The following EPB41L4B variants were observed in gnomAD, a reference collection of about 807,000 sequenced individuals.
EPB41L4B encodes the protein erythrocyte membrane protein band 4.1 like 4B.
Under a neutral mutation model 112.5 loss-of-function variants are expected in EPB41L4B, and 30 were observed. The observed-to-expected ratio is 0.27, with a 90% CI of 0.20 to 0.36. The LOEUF (loss-of-function observed/expected upper bound fraction) is 0.36, where lower values mean the gene tolerates loss of function less well. Ranked by LOEUF, EPB41L4B falls within the 10% of genes least tolerant of loss-of-function variation. The pLI is 1.00. For synonymous variants in EPB41L4B, 408 were observed against 439.7 expected (o/e 0.93, Z 0.90); for missense variants, 1,024 against 1,133.3 (o/e 0.90, Z 1.38).
At chr9:109,198,252 G>A (rs975441488) in intron 20 of EPB41L4B, among the ~76,000 whole-genome samples, 1 of 152,096 alleles carries the variant, frequency 6.6e-6, no homozygotes. Context: ...CCTACATTTT[G>A]CACTCTGGGT....
In EPB41L4B at chr9:109,255,792, C is replaced by G. The variant is rs768885296; in HGVS notation, c.981G>C (p.Val327=). 85 of 1,613,774 alleles carry G rather than the reference C, an allele frequency of 5.3e-5. No individual in the cohort carries two copies. Among genetic ancestry groups the G allele is most frequent in the Non-Finnish European group, 7.0e-5 (83 of 1,179,994 alleles). ...GGCCTACCTGATCATCATCCTCGAC[C>G]ACCACGAGTGTCAATTTGCTCTTTT... ...DFKKSKLTLV[V]VEDDDQGREQ... is the part of the protein sequence containing the mutation. The change falls in exon 10 of 26, where the codon GTG becomes GTC. Residue 327 remains valine (V), a synonymous_variant. Transcript: ENST00000374566.
At chr9:109,260,507 C>T (rs530688619) in intron 6 of EPB41L4B, among the ~76,000 whole-genome samples, 3 of 151,324 alleles carry the variant, frequency 2.0e-5, no homozygotes, top group South Asian at 2.1e-4. Context: ...CTCCGCCTCC[C>T]GGGTTCAAGC....
At chr9:109,176,515 C>G (rs780910138) in intron 25 of EPB41L4B, 36 bp downstream of exon 25, 1 of 1,563,640 alleles carries the variant, frequency 6.4e-7, no homozygotes, top group Admixed American at 2.0e-5. Context: ...TCCCTGTCAC[C>G]AGAATTACCT....
chr9:109,317,288 CAAAGTCTCCTG>C (rs1167171318), intron 1 of EPB41L4B, among the ~76,000 whole-genome samples: 2 of 152,242 alleles, frequency 1.3e-5, no homozygotes, highest in Non-Finnish European at 2.9e-5. Context: ...TCTCAAGTGT[CAAAGTCTCCTG>C]GAAGTCCTTC....
intron 6 of EPB41L4B, among the ~76,000 whole-genome samples, chr9:109,261,001 C>T (rs1262099359): frequency 1.3e-5 from 2 of 152,200 alleles, no homozygotes; most frequent in Admixed American, 6.5e-5. Flanking sequence ...CCTTCCGTCT[C>T]TTTTGTCTCA....
chr9:109,241,564 A>G (rs1588163338), intron 15 of EPB41L4B: 1 of 1,560,210 alleles, frequency 6.4e-7, no homozygotes, highest in East Asian at 2.3e-5. Context: ...CTCCTTAAAG[A>G]CACTCGTCCA....
intron 15 of EPB41L4B, among the ~76,000 whole-genome samples, chr9:109,220,987 A>G (rs564433138): frequency 5.3e-4 from 81 of 152,298 alleles, no homozygotes; most frequent in Non-Finnish European, 1.0e-3. Flanking sequence ...TTTGCAGGAG[A>G]AGCTTGGGCA....
At chr9:109,212,593 C>T (rs1833220564) in intron 17 of EPB41L4B, among the ~76,000 whole-genome samples, 1 of 152,188 alleles carries the variant, frequency 6.6e-6, no homozygotes, top group South Asian at 2.1e-4. Context: ...ACGGGAAGGG[C>T]AGGAGGTGTA....
intron 15 of EPB41L4B, among the ~76,000 whole-genome samples, chr9:109,227,591 T>C (rs564180090): frequency 3.9e-4 from 56 of 144,902 alleles, no homozygotes; most frequent in African/African-American, 1.0e-3. Context: ...TATCCCCCCC[T>C]TTTTTTTTTG....
chr9:109,314,800 C>CA (rs1431521961), intron 1 of EPB41L4B, among the ~76,000 whole-genome samples: 1 of 152,028 alleles, frequency 6.6e-6, no homozygotes, highest in Non-Finnish European at 1.5e-5. Context: ...CCTACAGGGG[C>CA]AAAAAAAGCA....
At chr9:109,285,436 G>C (rs574001687) in intron 1 of EPB41L4B, among the ~76,000 whole-genome samples, 1 of 152,150 alleles carries the variant, frequency 6.6e-6, no homozygotes, top group Admixed American at 6.5e-5. Context: ...TGGGGGATAG[G>C]TATCATCTTT....
intron 18 of EPB41L4B, 128 bp from the exon 19 acceptor site, chr9:109,203,858 C>T: frequency 2.8e-6 from 2 of 716,910 alleles, no homozygotes; most frequent in Non-Finnish European, 4.9e-6. Flanking sequence ...TCACCAAGTA[C>T]TCAATCAATA....
At chr9:109,187,838 C>T (rs1345366226) in intron 22 of EPB41L4B, among the ~76,000 whole-genome samples, 3 of 152,200 alleles carry the variant, frequency 2.0e-5, no homozygotes, top group Non-Finnish European at 2.9e-5. Flanking sequence ...ATTTGACTTT[C>T]GTGGTAAAGA....
intron 1 of EPB41L4B, among the ~76,000 whole-genome samples, chr9:109,290,535 C>T (rs1352269284): frequency 6.6e-6 from 1 of 152,086 alleles, no homozygotes; most frequent in African/African-American, 2.4e-5. Context: ...AAATTGCTAT[C>T]CCAGAGCTCC....
chr9:109,199,604 T>C (rs1445093243), intron 20 of EPB41L4B, among the ~76,000 whole-genome samples: 1 of 152,072 alleles, frequency 6.6e-6, no homozygotes, highest in East Asian at 1.9e-4. Flanking sequence ...GGGAGGCGGA[T>C]TGCAGTGAGC....
rs770380891 is a variant in EPB41L4B, at chr9:109,253,474, G to A, written c.1246C>T (p.Arg416Cys). ...TSTFERKPSK[R>C]YPSRRHSTFK... ...GTTGAATGTCTCCGGGATGGATAAC[G>A]TTTACTAGGCTTCCTCTCAAAGGTG... Residue 416 changes from arginine to cysteine, a missense_variant, in exon 12 of 26, where the codon CGT becomes TGT. By Grantham distance (180) the Arg-to-Cys change is radical. Coordinates refer to ENST00000374566, the MANE Select transcript of EPB41L4B (RefSeq NM_019114.5). The A allele has an allele frequency of 4.3e-6, 7 of 1,613,782 alleles. No homozygotes were observed. The highest frequency in any genetic ancestry group is 3.3e-5 in the South Asian group (3 of 91,044).
At chr9:109,297,353 C>T (rs1291240048) in intron 1 of EPB41L4B, among the ~76,000 whole-genome samples, 1 of 152,160 alleles carries the variant, frequency 6.6e-6, no homozygotes, top group Admixed American at 6.5e-5. Flanking sequence ...TTACAGCAGT[C>T]CTAGCAAACT....
At chr9:109,299,804 C>T (rs1836887120) in intron 1 of EPB41L4B, among the ~76,000 whole-genome samples, 1 of 151,874 alleles carries the variant, frequency 6.6e-6, no homozygotes, top group South Asian at 2.1e-4. Flanking sequence ...CCACGGGTAC[C>T]ACAGATTCCT....
Position 109,199,875 on chromosome 9 carries a change from G to T in EPB41L4B, c.2045+361C>A, listed in dbSNP as rs372770302. On this transcript the variant is annotated intron_variant, in intron 20 of 25. Coordinates refer to ENST00000374566, the MANE Select transcript of EPB41L4B (RefSeq NM_019114.5). ...TGTCAGCAACCGTAAAAACAAGCCT[G>T]CAGATGAGACCGCAGCCCTGACACC... Among the ~76,000 whole-genome samples, 92 of 152,262 alleles carry T rather than the reference G, an allele frequency of 6.0e-4. 3 individuals are homozygous for T. In the South Asian group the frequency reaches 0.019, roughly 31 times the overall value.
Sources: gnomAD v4.1 joint callset for allele counts (sites outside exome capture counted in the v4.1 genomes callset) on GRCh38, gnomAD v4.1.1 for gene constraint, MANE v1.5 for transcripts, NCBI Gene and HGNC (gene_info 2026-07-23, HGNC 2026-07-21) for gene names.